PCDH15: variants seen among roughly 807,000 people sequenced by gnomAD.
PCDH15 encodes protocadherin related 15, also known as protocadherin-15.
In PCDH15, 129 loss-of-function variants were observed where a neutral mutation model predicts 178.5. The ratio of observed to expected loss-of-function variants is 0.72; its 90% confidence interval spans 0.63 to 0.84. The LOEUF (loss-of-function observed/expected upper bound fraction) is 0.84, where lower values mean the gene tolerates loss of function less well. PCDH15 is among the 40% of genes least tolerant of loss of function. PCDH15 has a pLI of 0.00. For missense variants in PCDH15, 2,230 were observed against 2,099.9 expected (o/e 1.06, Z -1.21); for synonymous variants, 800 against 732.0 (o/e 1.09, Z -1.50).
chr10:55,459,243 A>AAAAAAAAGAC (rs1187832920), intron 2 of PCDH15, among the ~76,000 whole-genome samples: 6 of 150,642 alleles, frequency 4.0e-5, no homozygotes, highest in African/African-American at 1.5e-4. Context: ...AAAAAAAAAA[A>AAAAAAAAGAC]AGAAGGAAAG....
intron 3 of PCDH15, among the ~76,000 whole-genome samples, chr10:54,498,210 C>A (rs1252770025): frequency 3.9e-5 from 6 of 152,042 alleles, no homozygotes; most frequent in Non-Finnish European, 8.8e-5. Flanking sequence ...CCAAACTAAG[C>A]TTCATAAGTG....
Position 54,752,504 on chromosome 10 carries a change from AAC to A in PCDH15, c.-29+48419_-29+48420del, listed in dbSNP as rs1482118863. Among the ~76,000 whole-genome samples the A allele has an allele frequency of 7.9e-4, 66 of 83,694 alleles. 4 individuals carry two copies. The highest frequency in any genetic ancestry group is 1.4e-3 in the African/African-American group (27 of 19,706). 54.9% of individuals were successfully genotyped at this position (83,694 alleles called of 152,430 possible). A position where few individuals can be genotyped will look rare whatever the true frequency, so the allele number is the denominator to read the frequency against. ...AAAAAAAAAAAAACAAAAAACAAAA[AAC>A]AAAAAACAAACAAACAAACAAACAA... On this transcript the variant is annotated intron_variant, in intron 1 of 37. Transcript: ENST00000644397.
Position 53,810,449 on chromosome 10 carries a change from T to G in PCDH15, c.4671+107A>C, listed in dbSNP as rs771829837. Reference sequence around the variant, plus strand: ...ATTTCTATGGGAAATACGTACTAAGTGAAAGGAATTTCTAAAAGCTGAAAT... The same window carrying G: ...ATTTCTATGGGAAATACGTACTAAGGGAAAGGAATTTCTAAAAGCTGAAAT... On this transcript the variant is annotated intron_variant, in intron 37 of 37. Coordinates refer to ENST00000644397, the MANE Select transcript of PCDH15 (RefSeq NM_001384140.1). 25 of 978,540 alleles carry G rather than the reference T, an allele frequency of 2.6e-5. No individual in the cohort carries two copies. The African/African-American group carries it at 4.0e-4, about 16-fold the overall frequency. The allele number at this position is 978,540 out of a possible 1,614,324, so 60.6% of individuals were successfully genotyped here.
chr10:54,697,083 T>G (rs1250502656), intron 1 of PCDH15, among the ~76,000 whole-genome samples: 1 of 152,108 alleles, frequency 6.6e-6, no homozygotes, highest in African/African-American at 2.4e-5. Context: ...CTAGTGCCAA[T>G]TTTTGAAGAT....
intron 1 of PCDH15, among the ~76,000 whole-genome samples, chr10:54,762,851 C>T (rs572917576): frequency 5.4e-4 from 82 of 152,200 alleles, no homozygotes; most frequent in African/African-American, 1.8e-3. Flanking sequence ...ACTGTTTATA[C>T]ATGTGGCAAT....
chr10:54,517,084 A>C (rs370008080), intron 3 of PCDH15, among the ~76,000 whole-genome samples: 1 of 152,288 alleles, frequency 6.6e-6, no homozygotes, highest in Admixed American at 6.5e-5. Flanking sequence ...AAGGAACAAC[A>C]GGTACCAGCC....
At chr10:55,018,892 G>A (rs1282212656) in intron 2 of PCDH15, among the ~76,000 whole-genome samples, 1 of 152,006 alleles carries the variant, frequency 6.6e-6, no homozygotes, top group East Asian at 1.9e-4. Flanking sequence ...GATTTCTCTA[G>A]TGTATCTTAG....
intron 2 of PCDH15, among the ~76,000 whole-genome samples, chr10:54,989,567 C>T (rs1402307273): frequency 1.3e-5 from 2 of 152,186 alleles, no homozygotes; most frequent in Non-Finnish European, 2.9e-5. Context: ...TAAGATTTGA[C>T]TCCCCTGCTG....
chr10:53,807,186 G>GAT, intron 37 of PCDH15, 56 bp from the exon 38 acceptor site: 6 of 1,372,764 alleles, frequency 4.4e-6, no homozygotes, highest in Non-Finnish European at 4.9e-6. Flanking sequence ...AAAAGGCAAT[G>GAT]ATTACATTGC....
intron 15 of PCDH15, among the ~76,000 whole-genome samples, chr10:54,122,012 C>G (rs944221314): frequency 6.6e-6 from 1 of 150,606 alleles, no homozygotes; most frequent in South Asian, 2.1e-4. Context: ...TACACACACA[C>G]ACACACACAC....
chr10:55,582,602 A>ATATATATATATATATG (rs1255192498), intron 2 of PCDH15, among the ~76,000 whole-genome samples: 155 of 79,618 alleles, frequency 1.9e-3, no homozygotes, highest in African/African-American at 7.6e-3. Context: ...ATGTGTATAT[A>ATATATATATATATATG]TATATATATA....
At chr10:55,594,729 C>T (rs1293018653) in intron 2 of PCDH15, among the ~76,000 whole-genome samples, 1 of 151,930 alleles carries the variant, frequency 6.6e-6, no homozygotes, top group Non-Finnish European at 1.5e-5. Context: ...TAATGTGTTT[C>T]ATACTCGATG....
At chr10:54,580,200 A>T (rs1352387613) in intron 2 of PCDH15, among the ~76,000 whole-genome samples, 1 of 152,104 alleles carries the variant, frequency 6.6e-6, no homozygotes, top group African/African-American at 2.4e-5. Context: ...CTTTGAAAGC[A>T]TAAACAAGAG....
At chr10:54,856,106 G>A (rs926090878) in intron 3 of PCDH15, among the ~76,000 whole-genome samples, 2 of 152,276 alleles carry the variant, frequency 1.3e-5, no homozygotes, top group East Asian at 3.9e-4. Flanking sequence ...TAGTATGATT[G>A]TAAGAAATAT....
intron 14 of PCDH15, among the ~76,000 whole-genome samples, chr10:54,142,798 C>T (rs1405983819): frequency 6.6e-6 from 1 of 151,824 alleles, no homozygotes; most frequent in East Asian, 1.9e-4. Context: ...TAAGAGGAAA[C>T]TGCAGGGAAA....
intron 11 of PCDH15, among the ~76,000 whole-genome samples, chr10:54,190,455 G>A (rs1266947502): frequency 6.6e-6 from 1 of 152,184 alleles, no homozygotes; most frequent in Non-Finnish European, 1.5e-5. Context: ...CTAGCCTGCA[G>A]TGCAGTGGTG....
At chr10:53,996,855 T>G (rs1055389220) in intron 20 of PCDH15, among the ~76,000 whole-genome samples, 1 of 152,232 alleles carries the variant, frequency 6.6e-6, no homozygotes, top group Admixed American at 6.5e-5. Flanking sequence ...TTATCTGCTC[T>G]TCTCCTCCAA....
chr10:55,498,754 C>T (rs1457101576), intron 2 of PCDH15, among the ~76,000 whole-genome samples: 1 of 151,778 alleles, frequency 6.6e-6, no homozygotes, highest in Non-Finnish European at 1.5e-5. Flanking sequence ...TTAAAATAGC[C>T]TCCCAAACTC....
chr10:54,817,705 C>T (rs1023004300), intron 3 of PCDH15, among the ~76,000 whole-genome samples: 2 of 151,924 alleles, frequency 1.3e-5, no homozygotes, highest in Admixed American at 6.6e-5. Flanking sequence ...CTATGAGACC[C>T]ATGTATATCA....
Sources: allele counts gnomAD v4.1 joint callset (sites outside exome capture counted in the v4.1 genomes callset), GRCh38; gene constraint gnomAD v4.1.1; transcripts MANE v1.5; gene names NCBI Gene and HGNC (gene_info 2026-07-23, HGNC 2026-07-21).